The following GRID2 variants were observed in gnomAD, a reference collection of about 807,000 sequenced individuals.
GRID2 encodes the protein glutamate receptor ionotropic, delta-2.
GRID2 carries 33 observed loss-of-function variants against 114.8 expected under a neutral mutation model. The ratio of observed to expected loss-of-function variants is 0.29; its 90% confidence interval spans 0.22 to 0.38. The LOEUF is 0.38. Ranked by LOEUF, GRID2 falls within the 10% of genes least tolerant of loss-of-function variation. The pLI is 1.00. For synonymous variants in GRID2, 505 were observed against 449.9 expected, an observed-to-expected ratio of 1.12 and a Z score of -1.55; for missense variants, 1,184 against 1,257.7, an observed-to-expected ratio of 0.94 and a Z score of 0.89.
chr4:93,224,453 C>A lies in GRID2; in HGVS notation c.964-161C>A, dbSNP rs186192042. On this transcript the variant is annotated intron_variant, in intron 6 of 15. Coordinates refer to ENST00000282020, the MANE Select transcript of GRID2 (RefSeq NM_001510.4). Reference sequence around the variant, plus strand: ...TCAGACAAGACTTCATTCTCAATGACAAAATTGCCCAGGAAATGACAAAAG... The same window carrying A: ...TCAGACAAGACTTCATTCTCAATGAAAAAATTGCCCAGGAAATGACAAAAG... Among the ~76,000 whole-genome samples the A allele has an allele frequency of 1.3e-4, 20 of 152,214 alleles. No individual in the cohort carries two copies. The East Asian group carries it at 3.7e-3, about 28-fold the overall frequency.
chr4:92,558,923 A>C (rs981013909), intron 1 of GRID2, among the ~76,000 whole-genome samples: 2 of 152,162 alleles, frequency 1.3e-5, no homozygotes, highest in Non-Finnish European at 2.9e-5. Context: ...TACTGGTTTT[A>C]TATCTCTTAA....
intron 2 of GRID2, among the ~76,000 whole-genome samples, chr4:92,972,598 T>C (rs1753593833): frequency 6.6e-6 from 1 of 151,492 alleles, no homozygotes; most frequent in Non-Finnish European, 1.5e-5. Flanking sequence ...CTCAGGAAAA[T>C]AATTTTTTTT....
At chr4:92,537,849 C>G (rs1245683644) in intron 1 of GRID2, among the ~76,000 whole-genome samples, 1 of 149,682 alleles carries the variant, frequency 6.7e-6, no homozygotes, top group Admixed American at 6.7e-5. Flanking sequence ...AGCAAGACCA[C>G]CCAGAGAATT....
chr4:93,525,822 T>C (rs1319475668), intron 13 of GRID2, among the ~76,000 whole-genome samples: 1 of 152,136 alleles, frequency 6.6e-6, no homozygotes, highest in African/African-American at 2.4e-5. Context: ...GAAAAAATTC[T>C]CCAAAGGATT....
At chr4:93,259,641 C>T (rs1467235184) in intron 8 of GRID2, among the ~76,000 whole-genome samples, 1 of 151,716 alleles carries the variant, frequency 6.6e-6, no homozygotes, top group East Asian at 1.9e-4. Flanking sequence ...TTTGACTATT[C>T]AGTTATTTTT....
Position 93,401,092 on chromosome 4 carries a change from T to G in GRID2, c.1347+5384T>G, listed in dbSNP as rs116062001. On this transcript the variant is annotated intron_variant, in intron 9 of 15. Coordinates refer to ENST00000282020, the MANE Select transcript of GRID2 (RefSeq NM_001510.4). ...AAGTAATCCTCCCAAAGTATTGGGATTACAGGTATGAGCCACCGCACCCAT... is the reference window on the plus strand; with the variant it reads ...AAGTAATCCTCCCAAAGTATTGGGAGTACAGGTATGAGCCACCGCACCCAT... Among the ~76,000 whole-genome samples, 843 of 151,246 alleles carry G rather than the reference T, an allele frequency of 5.6e-3. 5 individuals are homozygous for G. Among genetic ancestry groups the G allele is most frequent in the African/African-American group, 0.02 (805 of 40,650 alleles).
chr4:93,783,359 A>G (rs1435403934), intron 1 of GRID2, among the ~76,000 whole-genome samples: 1 of 152,266 alleles, frequency 6.6e-6, no homozygotes, highest in African/African-American at 2.4e-5. Flanking sequence ...TCAAACTCAC[A>G]TCTCTCTAAC....
At chr4:92,772,797 G>C (rs1738604798) in intron 2 of GRID2, among the ~76,000 whole-genome samples, 1 of 152,160 alleles carries the variant, frequency 6.6e-6, no homozygotes, top group South Asian at 2.1e-4. Flanking sequence ...AAAAACCCAT[G>C]TTACTGTTTG....
intron 14 of GRID2, among the ~76,000 whole-genome samples, chr4:93,733,926 A>T (rs1417711211): frequency 6.6e-6 from 1 of 152,068 alleles, no homozygotes; most frequent in Non-Finnish European, 1.5e-5. Context: ...CCTTAATTAC[A>T]ATTTGATTTT....
chr4:93,236,035 G>A (rs137957228), intron 7 of GRID2, among the ~76,000 whole-genome samples: 14 of 152,072 alleles, frequency 9.2e-5, no homozygotes, highest in Admixed American at 3.9e-4. Flanking sequence ...TATTAATCAG[G>A]TAGATGTGTG....
intron 13 of GRID2, among the ~76,000 whole-genome samples, chr4:93,584,143 A>G (rs907122077): frequency 6.6e-6 from 1 of 152,204 alleles, no homozygotes; most frequent in African/African-American, 2.4e-5. Flanking sequence ...TCCTTGACTT[A>G]CTAAATGAAT....
intron 2 of GRID2, among the ~76,000 whole-genome samples, chr4:92,911,407 A>T (rs1748369640): frequency 6.6e-6 from 1 of 152,018 alleles, no homozygotes. Context: ...AGGACAACTT[A>T]CCTGTGTAAC....
At chr4:93,558,810 A>C (rs977540359) in intron 13 of GRID2, among the ~76,000 whole-genome samples, 1 of 152,138 alleles carries the variant, frequency 6.6e-6, no homozygotes, top group Admixed American at 6.6e-5. Flanking sequence ...CCAATATCCT[A>C]ATGAACATCA....
chr4:93,199,116 G>A (rs915973580), intron 4 of GRID2, among the ~76,000 whole-genome samples: 6 of 152,060 alleles, frequency 3.9e-5, no homozygotes, highest in African/African-American at 1.2e-4. Flanking sequence ...AAGGGATGAG[G>A]GGTCCTTCAA....
chr4:93,315,452 TC>T (rs1756484324), intron 8 of GRID2, among the ~76,000 whole-genome samples: 1 of 152,114 alleles, frequency 6.6e-6, no homozygotes, highest in Non-Finnish European at 1.5e-5. Context: ...TCTAGGAGTG[TC>T]CCCCTCCTAA....
chr4:93,374,739 G>T, intron 8 of GRID2, among the ~76,000 whole-genome samples: 1 of 152,084 alleles, frequency 6.6e-6, no homozygotes, highest in East Asian at 1.9e-4. Context: ...TCATATTGTA[G>T]ATATTTGTGA....
chr4:92,313,146 C>T (rs1262804986), intron 1 of GRID2, among the ~76,000 whole-genome samples: 1 of 147,544 alleles, frequency 6.8e-6, no homozygotes, highest in African/African-American at 2.5e-5. Flanking sequence ...TACTACTCAG[C>T]CATAAAAAAG....
intron 11 of GRID2, among the ~76,000 whole-genome samples, chr4:93,473,610 G>A (rs1725046424): frequency 6.6e-6 from 1 of 152,036 alleles, no homozygotes; most frequent in African/African-American, 2.4e-5. Flanking sequence ...TGCTGATAAT[G>A]TAAATGTTAA....
At chr4:92,738,308 C>G (rs960998895) in intron 2 of GRID2, among the ~76,000 whole-genome samples, 5 of 152,002 alleles carry the variant, frequency 3.3e-5, no homozygotes, top group Admixed American at 3.3e-4. Flanking sequence ...AGTACTTGTT[C>G]TATGGAGATG....
Sources: gnomAD v4.1 joint callset for allele counts (sites outside exome capture counted in the v4.1 genomes callset) on GRCh38, gnomAD v4.1.1 for gene constraint, MANE v1.5 for transcripts, NCBI Gene and HGNC (gene_info 2026-07-23, HGNC 2026-07-21) for gene names.